CRYGB: variants seen among roughly 807,000 people sequenced by gnomAD.
CRYGB encodes gamma-crystallin B.
Under a neutral mutation model 21.3 loss-of-function variants are expected in CRYGB, and 19 were observed. The observed-to-expected ratio is 0.89, with a 90% confidence interval of 0.62 to 1.31. The LOEUF is 1.31. Among genes scored for constraint, CRYGB ranks in the 50% most tolerant of loss-of-function variants. The probability of loss-of-function intolerance (pLI) is 0.00; values close to 1 mark genes in which losing one functional copy is unlikely to be tolerated. For synonymous variants in CRYGB, 81 were observed against 81.2 expected (o/e 1.00, Z 0.01); for missense variants, 254 against 228.4 (o/e 1.11, Z -0.72).
chr2:208,142,830 A>G lies in CRYGB; in HGVS notation c.336T>C (p.Ser112=). Residue 112 remains serine (S), a synonymous_variant, in exon 3 of 3, where the codon TCT becomes TCC. Coordinates refer to ENST00000260988, the MANE Select transcript of CRYGB (RefSeq NM_005210.4). ...CAGTGAGGTGGAAGCGGTCCTGAAC[A>G]GAGATACAGTCGTCTGTGAGCTCTG... is the stretch of plus-strand genomic sequence containing the variant. ...QMSELTDDCI[S]VQDRFHLTEI... 1 of 1,614,086 alleles carries G rather than the reference A, an allele frequency of 6.2e-7. No individual in the cohort carries two copies. The highest frequency in any genetic ancestry group is 1.1e-5 in the South Asian group (1 of 91,050).
rs758677710 is a variant in CRYGB, at chr2:208,142,907, C to T, written c.259G>A (p.Gly87Ser). ...RSCCLIPPHS[G>S]AYRMKIYDRD... ...TCGTAGATCTTCATTCTGTAAGCGC[C>T]AGAGTGCTGGAGTGGCAGACAGAAA... The change falls in exon 3 of 3, where the codon GGC (glycine) becomes AGC (serine). Residue 87 changes from glycine to serine, a missense_variant. Gly to Ser is a moderately conservative substitution (Grantham distance 56). Transcript: ENST00000260988. 3.1e-6 allele frequency: 5 copies of T among 1,599,536 alleles called. No individual in the cohort carries two copies. In the Admixed American group the frequency reaches 8.6e-5, roughly 28 times the overall value.
In CRYGB at chr2:208,144,258, G is replaced by A. The variant is rs186901026; in HGVS notation, c.253-1345C>T. On this transcript the variant is annotated intron_variant, in intron 2 of 2. Transcript: ENST00000260988. ...TCAAACTCCGGACCTCAGGTGATCT[G>A]CCTGCTTTGGCCTCCCAAAAGTGCT... Among the ~76,000 whole-genome samples, 37 of 152,010 alleles carry A rather than the reference G, an allele frequency of 2.4e-4. 1 individual carries two copies. The Middle Eastern group carries it at 0.017, about 70-fold the overall frequency.
intron 2 of CRYGB, among the ~76,000 whole-genome samples, chr2:208,143,835 C>T (rs917423025): frequency 2.6e-5 from 4 of 151,884 alleles, no homozygotes; most frequent in African/African-American, 7.3e-5. Context: ...AACCAGGAAG[C>T]CCCTACTTCC....
intron 2 of CRYGB, among the ~76,000 whole-genome samples, chr2:208,143,335 T>A (rs942174655): frequency 6.6e-6 from 1 of 152,186 alleles, no homozygotes; most frequent in Non-Finnish European, 1.5e-5. Context: ...CAAACCTGTC[T>A]CCCATTCTAT....
At chr2:208,144,387 GCA>G (rs34125940) in intron 2 of CRYGB, among the ~76,000 whole-genome samples, 5 of 150,204 alleles carry the variant, frequency 3.3e-5, no homozygotes, top group African/African-American at 7.3e-5. Flanking sequence ...ATATGCGCAC[GCA>G]CACACACACA....
Position 208,143,058 on chromosome 2 carries a change from AAGGAGCT to A in CRYGB, c.253-152_253-146del, listed in dbSNP as rs1299649960. On this transcript the variant is annotated intron_variant, in intron 2 of 2. Transcript: ENST00000260988. ...TCTAGAACAACCCTGTTGCAAAGTT[AAGGAGCT>A]GTCACACTCCCCAGTCACCCACCGC... 8.7e-6 allele frequency: 7 copies of A among 802,236 alleles called. No individual in the cohort carries two copies. In the African/African-American group the frequency reaches 1.2e-4, roughly 14 times the overall value. 49.7% of individuals were successfully genotyped at this position (802,236 alleles called of 1,614,324 possible).
At chr2:208,143,627 C>T (rs1258921489) in intron 2 of CRYGB, among the ~76,000 whole-genome samples, 3 of 133,710 alleles carry the variant, frequency 2.2e-5, no homozygotes, top group Admixed American at 7.4e-5. Context: ...CTGAGCCTCC[C>T]GGGTAGCGGG....
Position 208,142,677 on chromosome 2 carries a change from G to A in CRYGB, c.489C>T (p.Ala163=), listed in dbSNP as rs866509058. ...TGACTCGTCTAAGAGAGCCAACTTT[G>A]GCATTTGGAGCCCCCCAATCAAGAA... ...RRFLDWGAPN[A]KVGSLRRVMD... Residue 163 remains alanine (A), a synonymous_variant, in exon 3 of 3, where the codon GCC becomes GCT. Transcript: ENST00000260988. 6.3e-7 allele frequency: 1 copy of A among 1,579,208 alleles called. No homozygotes were observed. Among genetic ancestry groups the A allele is most frequent in the Non-Finnish European group, 8.6e-7 (1 of 1,166,518 alleles).
rs1314292711 is a variant in CRYGB at position 208,142,927 on chromosome 2, C to T, written c.253-14G>A. On this transcript the variant is annotated splice_polypyrimidine_tract_variant and intron_variant, in intron 2 of 2. Coordinates refer to ENST00000260988, the MANE Select transcript of CRYGB (RefSeq NM_005210.4). ...AGCGCCAGAGTGCTGGAGTGGCAGA[C>T]AGAAAACGCAAGAGTAAACAAACAA... The T allele has an allele frequency of 6.4e-7, 1 of 1,574,688 alleles. No homozygotes were observed. Among genetic ancestry groups the T allele is most frequent in the African/African-American group, 1.4e-5 (1 of 73,552 alleles).
In CRYGB at chr2:208,145,918, G is replaced by A; in HGVS notation, c.108C>T (p.Ile36=). ...LQPYFSRCNS[I]RVESGCWMIY... Reference sequence around the variant, plus strand: ...TCATCCAGCAGCCGCTCTCCACCCTGATGGAGTTGCAGCGGCTGAAATAGG... The same window carrying A: ...TCATCCAGCAGCCGCTCTCCACCCTAATGGAGTTGCAGCGGCTGAAATAGG... The change falls in exon 2 of 3, where the codon ATC becomes ATT. Residue 36 remains isoleucine (I), a synonymous_variant. Transcript: ENST00000260988. The A allele has an allele frequency of 1.2e-6, 2 of 1,614,106 alleles. No individual in the cohort carries two copies. Among genetic ancestry groups the A allele is most frequent in the South Asian group, 1.1e-5 (1 of 91,076 alleles).
intron 2 of CRYGB, among the ~76,000 whole-genome samples, chr2:208,143,691 C>T (rs1175069347): frequency 1.3e-5 from 2 of 152,086 alleles, no homozygotes; most frequent in African/African-American, 4.8e-5. Context: ...TTAGTAGAGA[C>T]GGGCTTTGAC....
Position 208,145,688 on chromosome 2 carries a change from C to CAA in CRYGB, c.252+84_252+85dup, listed in dbSNP as rs554918356. 7,275 of 1,269,200 alleles carry CAA rather than the reference C, an allele frequency of 5.7e-3. 2 individuals are homozygous for CAA. Among genetic ancestry groups the CAA allele is most frequent in the East Asian group, 1.0e-2 (344 of 34,452 alleles). The allele number at this position is 1,269,200 out of a possible 1,614,324, so 78.6% of individuals were successfully genotyped here. The stretch of plus-strand genomic sequence containing the variant: ...TGGGGGACAGAGCGAGACTCCGCCT[C>CAA]AAAAAAAAAAAAAAAAAAAAAAAGA... On this transcript the variant is annotated intron_variant, in intron 2 of 2. Transcript: ENST00000260988.
In CRYGB at chr2:208,145,963, A is replaced by C; in HGVS notation, c.63T>G (p.Thr21=). 1 of 1,614,184 alleles carries C rather than the reference A, an allele frequency of 6.2e-7. No homozygotes were observed. Among genetic ancestry groups the C allele is most frequent in the East Asian group, 2.2e-5 (1 of 44,872 alleles). ...AATAGGGTTGTAGGTTGGGGCAGTC[A>C]GTGGTGCATTCGTAGCTGCGGCCCT... ...AFQGRSYECT[T]DCPNLQPYFS... The change falls in exon 2 of 3, where the codon ACT becomes ACG. Residue 21 remains threonine, a synonymous_variant. Transcript: ENST00000260988.
At position 208,145,837 on chromosome 2, in the gene CRYGB, G is replaced by T. The variant is rs971256726; in HGVS notation, c.189C>A (p.Tyr63Ter). The T allele has an allele frequency of 6.2e-7, 1 of 1,614,078 alleles. No homozygotes were observed. The highest frequency in any genetic ancestry group is 8.5e-7 in the Non-Finnish European group (1 of 1,180,016). ...GGCCCATCCATTGCTGGTAGTCAGG[G>T]TACTCCCCACGCCGCAGGAAGTACT... ...GHQYFLRRGE[Y>*]PDYQQWMGLS... Residue 63 changes from tyrosine to a stop codon, truncating the protein, a stop_gained, in exon 2 of 3, where the codon TAC becomes TAA. Transcript: ENST00000260988. LOFTEE classifies it high-confidence loss of function.
At chr2:208,143,009 A>C (rs757314906) in intron 2 of CRYGB, 96 bp from the exon 3 acceptor site, 2 of 1,379,418 alleles carry the variant, frequency 1.4e-6, no homozygotes, top group South Asian at 1.5e-5. Flanking sequence ...ACCTGCCCAG[A>C]AGTTCTCCCA....
rs1425986453 is a variant in CRYGB at position 208,144,021 on chromosome 2, G to GGTTT, written c.253-1112_253-1109dup. ...CTTGGCAAAATAAACCTTCTTTCTG[G>GGTTT]GTTTTTTTTTTTTTTTGAGATGGAG... On this transcript the variant is annotated intron_variant, in intron 2 of 2. Transcript: ENST00000260988. Among the ~76,000 whole-genome samples, 264 of 106,978 alleles carry GGTTT rather than the reference G, an allele frequency of 2.5e-3. 4 individuals carry two copies. The highest frequency in any genetic ancestry group is 8.0e-3 in the African/African-American group (251 of 31,536). The allele number at this position is 106,978 out of a possible 152,430, so 70.2% of individuals were successfully genotyped here. A position where few individuals can be genotyped will look rare whatever the true frequency, so the allele number is the denominator to read the frequency against.
intron 2 of CRYGB, among the ~76,000 whole-genome samples, 166 bp downstream of exon 2, chr2:208,145,608 G>C (rs1695446448): frequency 6.9e-6 from 1 of 144,278 alleles, no homozygotes; most frequent in Admixed American, 7.2e-5. Flanking sequence ...GGAATTGCTT[G>C]AACCCGGGAG....
intron 2 of CRYGB, among the ~76,000 whole-genome samples, chr2:208,144,870 C>T (rs982458614): frequency 7.9e-5 from 12 of 152,078 alleles, no homozygotes; most frequent in Admixed American, 6.5e-5. Flanking sequence ...CGTGAGCCAC[C>T]GCACCCAGCC....
At chr2:208,142,946 C>A in intron 2 of CRYGB, 33 bp from the exon 3 acceptor site, 1 of 1,547,672 alleles carries the variant, frequency 6.5e-7, no homozygotes, top group Admixed American at 1.9e-5. Flanking sequence ...CAAGAGTAAA[C>A]AAACAAAAAC....
Sources: gnomAD v4.1 joint callset for allele counts (sites outside exome capture counted in the v4.1 genomes callset) on GRCh38, gnomAD v4.1.1 for gene constraint, MANE v1.5 for transcripts, NCBI Gene and HGNC (gene_info 2026-07-23, HGNC 2026-07-21) for gene names.